ZBTB20: variants seen among roughly 807,000 people sequenced by gnomAD.
ZBTB20 encodes zinc finger and BTB domain-containing protein 20.
ZBTB20 carries 9 observed loss-of-function variants against 56.9 expected under a neutral mutation model. That is an observed-to-expected ratio of 0.16 (90% CI 0.10 to 0.28). ZBTB20 has a LOEUF of 0.28. Among genes scored for constraint, ZBTB20 ranks in the 10% least tolerant of loss-of-function variants. The probability of loss-of-function intolerance (pLI) is 1.00; values close to 1 mark genes in which losing one functional copy is unlikely to be tolerated. For missense variants in ZBTB20, 655 were observed against 1,003.0 expected (o/e 0.65, Z 4.69); for synonymous variants, 417 against 420.7 (o/e 0.99, Z 0.11).
At chr3:114,431,075 C>A (rs928418660) in intron 7 of ZBTB20, among the ~76,000 whole-genome samples, 2 of 152,126 alleles carry the variant, frequency 1.3e-5, no homozygotes, top group African/African-American at 4.8e-5. Flanking sequence ...CAAACATACA[C>A]CCCAGTTCAC....
At chr3:114,865,028 C>A (rs1007711178) in intron 4 of ZBTB20, among the ~76,000 whole-genome samples, 5 of 152,030 alleles carry the variant, frequency 3.3e-5, no homozygotes, top group African/African-American at 1.2e-4. Context: ...AGCCAGATGA[C>A]AACCAACTTC....
intron 4 of ZBTB20, among the ~76,000 whole-genome samples, chr3:114,866,741 A>T (rs1035853724): frequency 2.0e-5 from 3 of 152,146 alleles, no homozygotes; most frequent in Non-Finnish European, 4.4e-5. Context: ...TTCAGACTCA[A>T]ACTGGAAACA....
intron 7 of ZBTB20, among the ~76,000 whole-genome samples, chr3:114,488,331 A>AT (rs1244460716): frequency 1.3e-5 from 2 of 152,234 alleles, no homozygotes; most frequent in East Asian, 1.9e-4. Context: ...GTCTTTTCCA[A>AT]TTTTTTTATT....
At chr3:114,717,810 A>G (rs1372595409) in intron 5 of ZBTB20, among the ~76,000 whole-genome samples, 2 of 125,212 alleles carry the variant, frequency 1.6e-5, no homozygotes, top group African/African-American at 6.1e-5. Flanking sequence ...GTCACATTTT[A>G]ATTTTCATCT....
intron 1 of ZBTB20, among the ~76,000 whole-genome samples, chr3:115,131,024 G>C (rs751705101): frequency 2.0e-5 from 3 of 152,122 alleles, no homozygotes; most frequent in Non-Finnish European, 2.9e-5. Flanking sequence ...GCCTCCCAAA[G>C]TTCTGGGATT....
At chr3:115,146,972 C>G (rs1045511059) in intron 1 of ZBTB20, among the ~76,000 whole-genome samples, 2 of 150,348 alleles carry the variant, frequency 1.3e-5, no homozygotes, top group Admixed American at 6.6e-5. Flanking sequence ...CTAAGAAGGG[C>G]GCCGGGGGAG....
intron 3 of ZBTB20, among the ~76,000 whole-genome samples, chr3:114,972,166 T>C (rs192318923): frequency 3.3e-5 from 5 of 152,306 alleles, no homozygotes; most frequent in South Asian, 2.1e-4. Flanking sequence ...TAACATTAGT[T>C]GGCAAAAATT....
At chr3:114,564,613 T>G (rs575599512) in intron 6 of ZBTB20, among the ~76,000 whole-genome samples, 1 of 152,314 alleles carries the variant, frequency 6.6e-6, no homozygotes, top group African/African-American at 2.4e-5. Flanking sequence ...TTACCCAGTT[T>G]TAGTCAATCC....
rs377409571 is a variant in ZBTB20 at position 114,640,287 on chromosome 3, CG to C, written c.-295+53240del. On this transcript the variant is annotated intron_variant, in intron 6 of 11. Transcript: ENST00000675478. The stretch of plus-strand genomic sequence containing the variant: ...CTATCCAAAAACTACAGGGACAGGG[CG>C]GGGTGAATGATTCTCAGCAGGTGGC... Among the ~76,000 whole-genome samples the C allele has an allele frequency of 2.0e-5, 3 of 152,102 alleles. No homozygotes were observed. The East Asian group carries it at 5.8e-4, about 29-fold the overall frequency.
In ZBTB20 at chr3:114,334,635, A is replaced by G. The variant is rs987401700; in HGVS notation, c.*4370T>C. 1 of 152,218 alleles carries G rather than the reference A, an allele frequency of 6.6e-6. No individual in the cohort carries two copies. The highest frequency in any genetic ancestry group is 2.4e-5 in the African/African-American group (1 of 41,454). The allele number at this position is 152,218 out of a possible 1,614,324, so 9.4% of individuals were successfully genotyped here. ...TTTGATGATACAAAATAAAACCCTT[A>G]TGACTTTTAAACACAGCAAACCCAA... On this transcript the variant is annotated 3_prime_UTR_variant, in exon 12 of 12. Coordinates refer to ENST00000675478, the MANE Select transcript of ZBTB20 (RefSeq NM_001348800.3).
At chr3:114,884,172 G>A (rs534830399) in intron 4 of ZBTB20, among the ~76,000 whole-genome samples, 2 of 151,442 alleles carry the variant, frequency 1.3e-5, no homozygotes, top group South Asian at 2.1e-4. Context: ...TGATCCGCCC[G>A]CCTCGGCCTC....
At chr3:114,531,794 C>T (rs1207055260) in intron 6 of ZBTB20, among the ~76,000 whole-genome samples, 1 of 152,190 alleles carries the variant, frequency 6.6e-6, no homozygotes, top group Non-Finnish European at 1.5e-5. Flanking sequence ...GTACCTGGCT[C>T]ATCTCATTGG....
At chr3:114,694,967 G>T (rs1383537967) in intron 5 of ZBTB20, among the ~76,000 whole-genome samples, 1 of 151,974 alleles carries the variant, frequency 6.6e-6, no homozygotes, top group Non-Finnish European at 1.5e-5. Context: ...TACTTGTATG[G>T]CTTACTGCTT....
In ZBTB20 at chr3:114,350,256, A is replaced by T. The variant is rs2080553590; in HGVS notation, c.1804+18T>A. The T allele has an allele frequency of 3.2e-6, 5 of 1,576,010 alleles. No individual in the cohort carries two copies. The East Asian group carries it at 1.1e-4, about 36-fold the overall frequency. On this transcript the variant is annotated intron_variant, in intron 11 of 11. Transcript: ENST00000675478. ...CCTCAGCCCCTGCTGCCAGGCCTCC[A>T]GGTGGGGTGACACTCACCTGTGTGT... is the stretch of plus-strand genomic sequence containing the variant.
intron 4 of ZBTB20, among the ~76,000 whole-genome samples, chr3:114,840,678 A>G (rs1302873338): frequency 6.6e-6 from 1 of 152,206 alleles, no homozygotes; most frequent in Non-Finnish European, 1.5e-5. Context: ...AATAATTTCT[A>G]GGACAGAGTA....
intron 7 of ZBTB20, among the ~76,000 whole-genome samples, chr3:114,419,330 G>C (rs995915196): frequency 6.6e-6 from 1 of 152,098 alleles, no homozygotes; most frequent in Non-Finnish European, 1.5e-5. Context: ...AAGCGTATTA[G>C]CAGTCTATGG....
intron 2 of ZBTB20, among the ~76,000 whole-genome samples, chr3:114,997,968 G>C (rs2079093732): frequency 6.6e-6 from 1 of 151,692 alleles, no homozygotes; most frequent in African/African-American, 2.4e-5. Flanking sequence ...GAAATGGATA[G>C]ATTTCATTTT....
chr3:115,065,538 A>G (rs1417026615), intron 2 of ZBTB20, among the ~76,000 whole-genome samples: 2 of 152,154 alleles, frequency 1.3e-5, no homozygotes, highest in Non-Finnish European at 2.9e-5. Context: ...CTTTTGCTCA[A>G]AATTTTTAGT....
chr3:114,334,998 T>A lies in ZBTB20; in HGVS notation c.*4007A>T, dbSNP rs1026958519. ...TATTTCACACATTTGGGGGCCTTTT[T>A]TGTACAAATATTGGCATGTAATAAG... On this transcript the variant is annotated 3_prime_UTR_variant, in exon 12 of 12. Transcript: ENST00000675478. 8 of 152,190 alleles carry A rather than the reference T, an allele frequency of 5.3e-5. No individual in the cohort carries two copies. Among genetic ancestry groups the A allele is most frequent in the Non-Finnish European group, 1.2e-4 (8 of 68,026 alleles). The allele number at this position is 152,190 out of a possible 1,614,324, so 9.4% of individuals were successfully genotyped here.
Sources: allele counts gnomAD v4.1 joint callset (sites outside exome capture counted in the v4.1 genomes callset), GRCh38; gene constraint gnomAD v4.1.1; transcripts MANE v1.5; gene names NCBI Gene and HGNC (gene_info 2026-07-23, HGNC 2026-07-21).